Variants in B4GALT6 observed in about 807,000 individuals in gnomAD.
B4GALT6 encodes beta-1,4-galactosyltransferase 6, also known as UDP-Gal:beta-GlcNAc beta-1,4-galactosyltransferase 6.
In B4GALT6, 14 loss-of-function variants were observed where a neutral mutation model predicts 46.3. The observed-to-expected ratio is 0.30, with a 90% confidence interval of 0.20 to 0.47. The LOEUF is 0.47. B4GALT6 is among the 20% of genes least tolerant of loss of function. B4GALT6 has a pLI of 0.99. For missense variants in B4GALT6, 386 were observed against 480.1 expected (o/e 0.80, Z 1.83); for synonymous variants, 168 against 162.0 (o/e 1.04, Z -0.28).
At chr18:31,638,518 C>T (rs993306242) in intron 5 of B4GALT6, 126 bp downstream of exon 5, 1 of 816,010 alleles carries the variant, frequency 1.2e-6, no homozygotes, top group South Asian at 1.8e-5. Context: ...CACAGCAAGA[C>T]TCTGTCTCAA....
the B4GALT6 span, among the ~76,000 whole-genome samples, chr18:31,699,709 G>A: frequency 2.0e-5 from 3 of 150,154 alleles, no homozygotes; most frequent in Non-Finnish European, 4.4e-5. Context: ...AGAAACAGTG[G>A]TGACGAGAAT....
intron 3 of B4GALT6, among the ~76,000 whole-genome samples, chr18:31,650,366 C>T (rs2074049114): frequency 6.6e-6 from 1 of 152,258 alleles, no homozygotes; most frequent in Non-Finnish European, 1.5e-5. Flanking sequence ...ACCATTGGGT[C>T]CTGCCTTTCA....
chr18:31,666,760 C>T (rs2074287826), intron 1 of B4GALT6, among the ~76,000 whole-genome samples: 1 of 152,024 alleles, frequency 6.6e-6, no homozygotes, highest in African/African-American at 2.4e-5. Context: ...ATATTAATTT[C>T]CTACCAAAAA....
the B4GALT6 span, among the ~76,000 whole-genome samples, chr18:31,705,138 TC>T: frequency 3.9e-5 from 6 of 152,354 alleles, no homozygotes; most frequent in Admixed American, 6.5e-5. Flanking sequence ...CAAATTCATG[TC>T]TTTTTACTGC....
At chr18:31,641,267 G>T (rs1404290904) in intron 4 of B4GALT6, among the ~76,000 whole-genome samples, 13 of 152,162 alleles carry the variant, frequency 8.5e-5, no homozygotes, top group African/African-American at 3.1e-4. Flanking sequence ...AATATCAAGT[G>T]TTTTTTCTTT....
chr18:31,710,094 C>CAA, the B4GALT6 span, among the ~76,000 whole-genome samples: 16 of 107,566 alleles, frequency 1.5e-4, no homozygotes, highest in African/African-American at 2.0e-4. Context: ...GACTTTATCT[C>CAA]AAAAAAAAAA....
At chr18:31,686,783 A>AT (rs953953788), upstream of B4GALT6, 4 of 152,300 alleles carry the variant, frequency 2.6e-5, no homozygotes, top group South Asian at 4.1e-4. Flanking sequence ...AAAAATTGTG[A>AT]TTTTCCCCTC....
rs2074520528 is a variant in B4GALT6 at position 31,684,570 on chromosome 18, A to G, written c.-144T>C. 1.5e-6 allele frequency: 2 copies of G among 1,370,324 alleles called. No individual in the cohort carries two copies. Among genetic ancestry groups the G allele is most frequent in the African/African-American group, 3.0e-5 (2 of 66,658 alleles). The allele number at this position is 1,370,324 out of a possible 1,614,324, so 84.9% of individuals were successfully genotyped here. A position where few individuals can be genotyped will look rare whatever the true frequency, so the allele number is the denominator to read the frequency against. On this transcript the variant is annotated 5_prime_UTR_variant, in exon 1 of 9. Coordinates refer to ENST00000306851, the MANE Select transcript of B4GALT6 (RefSeq NM_004775.5). ...GGGGAGGCTCTGGGGAGAGGGCCCG[A>G]GCGGAAAAGAGGAAATGGGAGGGAG...
At chr18:31,628,316 A>G (rs2073728912) in intron 6 of B4GALT6, among the ~76,000 whole-genome samples, 1 of 152,184 alleles carries the variant, frequency 6.6e-6, no homozygotes, top group African/African-American at 2.4e-5. Context: ...CATTCTTGGC[A>G]CCGTGTACTT....
chr18:31,684,653 G>A, upstream of B4GALT6: 6 of 769,586 alleles, frequency 7.8e-6, no homozygotes, highest in Non-Finnish European at 9.8e-6. Context: ...GAGGCCGAGG[G>A]ACAAGAGGTG....
At chr18:31,681,377 C>G (rs8092508) in intron 1 of B4GALT6, among the ~76,000 whole-genome samples, 98,275 of 152,064 alleles carry the variant, frequency 0.65, 33,458 homozygotes, top group South Asian at 0.77. Flanking sequence ...GGGTGGGCTA[C>G]AGCAATCTGT....
intron 1 of B4GALT6, among the ~76,000 whole-genome samples, chr18:31,682,332 GA>G (rs747643424): frequency 2.6e-5 from 4 of 152,156 alleles, no homozygotes; most frequent in Non-Finnish European, 5.9e-5. Context: ...CAGGGTTTTG[GA>G]AACAGATTCA....
At chr18:31,659,193 T>C (rs1043277363) in intron 2 of B4GALT6, among the ~76,000 whole-genome samples, 6 of 152,190 alleles carry the variant, frequency 3.9e-5, no homozygotes, top group South Asian at 2.1e-4. Context: ...AAGATATTCT[T>C]TGAATGTTGA....
intron 1 of B4GALT6, among the ~76,000 whole-genome samples, chr18:31,678,207 T>C (rs1274248164): frequency 6.6e-6 from 1 of 152,100 alleles, no homozygotes; most frequent in Non-Finnish European, 1.5e-5. Flanking sequence ...AAGCACCCTC[T>C]CCAGGGTAAT....
the B4GALT6 span, among the ~76,000 whole-genome samples, chr18:31,691,405 A>G: frequency 6.7e-6 from 1 of 149,376 alleles, no homozygotes; most frequent in Non-Finnish European, 1.5e-5. Context: ...TCCAGAGCAT[A>G]TTATCAAAAG....
chr18:31,654,111 T>C (rs2074110014), intron 3 of B4GALT6, among the ~76,000 whole-genome samples: 1 of 152,196 alleles, frequency 6.6e-6, no homozygotes, highest in African/African-American at 2.4e-5. Flanking sequence ...CTATCAGGGT[T>C]AAACCATAAA....
chr18:31,716,731 GT>G, the B4GALT6 span, among the ~76,000 whole-genome samples: 1 of 152,152 alleles, frequency 6.6e-6, no homozygotes, highest in Non-Finnish European at 1.5e-5. Flanking sequence ...TCTCTTGGAG[GT>G]ACCCCAAGTC....
chr18:31,657,613 A>C (rs1156429672), intron 3 of B4GALT6, among the ~76,000 whole-genome samples: 1 of 152,224 alleles, frequency 6.6e-6, no homozygotes. Flanking sequence ...GGACTGGCTT[A>C]ATCAGGAACA....
At chr18:31,628,382 T>C (rs2073730099) in intron 6 of B4GALT6, among the ~76,000 whole-genome samples, 1 of 152,154 alleles carries the variant, frequency 6.6e-6, no homozygotes, top group Non-Finnish European at 1.5e-5. Flanking sequence ...AAACCTGAGA[T>C]CGTCAGATAG....
Sources: gnomAD v4.1 joint callset for allele counts (sites outside exome capture counted in the v4.1 genomes callset) on GRCh38, gnomAD v4.1.1 for gene constraint, MANE v1.5 for transcripts, NCBI Gene and HGNC (gene_info 2026-07-23, HGNC 2026-07-21) for gene names.